The following NRG3 variants were observed in gnomAD, a reference collection of about 807,000 sequenced individuals.
The protein encoded by NRG3 is pro-neuregulin-3, membrane-bound isoform.
NRG3 carries 31 observed loss-of-function variants against 66.9 expected under a neutral mutation model. That is an observed-to-expected ratio of 0.46 (90% CI 0.35 to 0.63). The LOEUF (loss-of-function observed/expected upper bound fraction) is 0.63. Ranked by LOEUF, NRG3 falls within the 20% of genes least tolerant of loss-of-function variation. NRG3 has a pLI of 0.00. For synonymous variants in NRG3, 393 were observed against 359.4 expected (o/e 1.09, Z -1.06); for missense variants, 910 against 878.9 (o/e 1.04, Z -0.45).
At chr10:82,623,839 C>T (rs1201434714) in intron 2 of NRG3, among the ~76,000 whole-genome samples, 2 of 152,078 alleles carry the variant, frequency 1.3e-5, no homozygotes, top group Admixed American at 1.3e-4. Flanking sequence ...ATTCTATGCC[C>T]CTAGTCTAGA....
chr10:82,140,510 T>C (rs998602), intron 1 of NRG3, among the ~76,000 whole-genome samples: 19,536 of 152,200 alleles, frequency 0.13, 1,365 homozygotes, highest in East Asian at 0.22. Flanking sequence ...AATTCATTTA[T>C]TAAATGAGTT....
At chr10:82,911,298 TA>T (rs766994584) in intron 4 of NRG3, among the ~76,000 whole-genome samples, 2 of 152,100 alleles carry the variant, frequency 1.3e-5, no homozygotes, top group African/African-American at 4.8e-5. Context: ...ATTTTTAATT[TA>T]AAAAAATCTA....
At chr10:82,948,041 GT>G (rs145787676) in intron 4 of NRG3, among the ~76,000 whole-genome samples, 1,685 of 151,942 alleles carry the variant, frequency 0.011, 34 homozygotes, top group African/African-American at 0.039. Flanking sequence ...TAATTTTGTA[GT>G]TTAAACTTTA....
At chr10:82,765,675 C>G (rs755962695) in intron 3 of NRG3, among the ~76,000 whole-genome samples, 7 of 152,128 alleles carry the variant, frequency 4.6e-5, no homozygotes, top group Non-Finnish European at 1.0e-4. Context: ...TTTCCTCATG[C>G]AAGTTCCCTT....
intron 1 of NRG3, among the ~76,000 whole-genome samples, chr10:82,144,049 GA>G (rs369098895): frequency 0.01 from 1,381 of 134,270 alleles, 26 homozygotes; most frequent in African/African-American, 0.035. Context: ...AAAAAGAAAA[GA>G]AAAAAAAAAG....
At chr10:82,172,720 C>T (rs1271816975) in intron 1 of NRG3, among the ~76,000 whole-genome samples, 3 of 152,068 alleles carry the variant, frequency 2.0e-5, no homozygotes, top group Non-Finnish European at 4.4e-5. Flanking sequence ...TTAATGGTCT[C>T]CTCATTCTAA....
At chr10:81,921,919 C>T (rs1846289663) in intron 1 of NRG3, among the ~76,000 whole-genome samples, 1 of 151,738 alleles carries the variant, frequency 6.6e-6, no homozygotes, top group Admixed American at 6.6e-5. Context: ...CAACATTTGT[C>T]TCTCTATTCA....
intron 2 of NRG3, among the ~76,000 whole-genome samples, chr10:82,717,162 T>A (rs1265365839): frequency 1.3e-5 from 2 of 152,046 alleles, no homozygotes; most frequent in Non-Finnish European, 2.9e-5. Flanking sequence ...AAGATGTAGG[T>A]GCATTGAAAT....
At chr10:82,627,003 AT>A (rs58880846) in intron 2 of NRG3, among the ~76,000 whole-genome samples, 4,936 of 148,696 alleles carry the variant, frequency 0.033, 102 homozygotes, top group Non-Finnish European at 0.041. Context: ...CTATTTAGCT[AT>A]TTTTTTTTTT....
chr10:82,361,013 C>A (rs1291533863), intron 2 of NRG3, among the ~76,000 whole-genome samples: 1 of 152,168 alleles, frequency 6.6e-6, no homozygotes, highest in Admixed American at 6.5e-5. Flanking sequence ...TCTGTGAAGA[C>A]CTTTCTCCAA....
intron 2 of NRG3, among the ~76,000 whole-genome samples, chr10:82,514,002 G>C (rs753382319): frequency 6.6e-6 from 1 of 151,970 alleles, no homozygotes; most frequent in Non-Finnish European, 1.5e-5. Context: ...AGAAGTGTCT[G>C]TTCATGTCCT....
At position 81,983,661 on chromosome 10, in the gene NRG3, G is replaced by A. The variant is rs118154045; in HGVS notation, c.823+107498G>A. 6.9e-4 allele frequency among the ~76,000 whole-genome samples: 105 copies of A among 152,244 alleles called. No homozygotes were observed. The East Asian group carries it at 0.017, about 25-fold the overall frequency. ...CGTGAATTTACGTTGTCTTCACCAA[G>A]GGTATCATAATCTAATTTAAAGTAT... On this transcript the variant is annotated intron_variant, in intron 1 of 8. Coordinates refer to ENST00000372141, the MANE Select transcript of NRG3 (RefSeq NM_001010848.4).
intron 2 of NRG3, among the ~76,000 whole-genome samples, chr10:82,535,502 G>C (rs564415462): frequency 6.6e-6 from 1 of 152,198 alleles, no homozygotes; most frequent in South Asian, 2.1e-4. Context: ...AGATATATAG[G>C]AGTTGGATTG....
intron 1 of NRG3, among the ~76,000 whole-genome samples, chr10:82,288,479 C>T (rs1286419723): frequency 2.6e-5 from 4 of 152,036 alleles, no homozygotes; most frequent in East Asian, 1.9e-4. Flanking sequence ...CAGTAGGAGC[C>T]GGGCAGCAAG....
intron 1 of NRG3, among the ~76,000 whole-genome samples, chr10:81,905,653 T>C (rs1844533058): frequency 6.6e-6 from 1 of 152,224 alleles, no homozygotes. Flanking sequence ...TTCTGGAAGT[T>C]AAGGCCGTTT....
intron 2 of NRG3, among the ~76,000 whole-genome samples, chr10:82,403,199 T>C (rs2087240517): frequency 6.6e-6 from 1 of 152,274 alleles, no homozygotes; most frequent in East Asian, 1.9e-4. Context: ...TGATGAAATA[T>C]TGACTCTATT....
intron 1 of NRG3, among the ~76,000 whole-genome samples, chr10:82,152,850 C>CTTTCT (rs1265429732): frequency 3.7e-5 from 5 of 136,052 alleles, no homozygotes; most frequent in Non-Finnish European, 4.6e-5. Context: ...TTCTTTCTTT[C>CTTTCT]TTTCTTTTCT....
rs568161330 is a variant in NRG3, at chr10:82,407,484, C to CTGTGTGG, written c.953+48618_953+48624dup. ...TGATTGTGTAAAAGTTAAGGAACCTCTGTGTGGTAGTTAACTCTTCTGTCA... is the reference window on the plus strand; with the variant it reads ...TGATTGTGTAAAAGTTAAGGAACCTCTGTGTGGTGTGTGGTAGTTAACTCTTCTGTCA... On this transcript the variant is annotated intron_variant, in intron 2 of 8. Coordinates refer to ENST00000372141, the MANE Select transcript of NRG3 (RefSeq NM_001010848.4). Among the ~76,000 whole-genome samples the CTGTGTGG allele has an allele frequency of 8.7e-3, 1,317 of 152,224 alleles. 11 individuals carry two copies. The highest frequency in any genetic ancestry group is 0.014 in the Non-Finnish European group (956 of 68,012).
intron 2 of NRG3, among the ~76,000 whole-genome samples, chr10:82,613,709 T>C (rs931616461): frequency 2.0e-5 from 3 of 151,942 alleles, no homozygotes; most frequent in Non-Finnish European, 2.9e-5. Flanking sequence ...TAATATACTT[T>C]AAGTTTTAGG....
Sources: gnomAD v4.1 joint callset for allele counts (sites outside exome capture counted in the v4.1 genomes callset) on GRCh38, gnomAD v4.1.1 for gene constraint, MANE v1.5 for transcripts, NCBI Gene and HGNC (gene_info 2026-07-23, HGNC 2026-07-21) for gene names.